Variants in MAD1L1 observed in about 807,000 individuals in gnomAD.
MAD1L1 encodes mitotic arrest deficient 1 like 1.
A neutral mutation model predicts 96.9 loss-of-function variants in MAD1L1; 95 were observed. The ratio of observed to expected loss-of-function variants is 0.98; its 90% confidence interval spans 0.83 to 1.16. MAD1L1 has a LOEUF of 1.16. MAD1L1 is among the 50% of genes most tolerant of loss of function. The pLI, the probability that MAD1L1 is intolerant of heterozygous loss-of-function variation, is 0.00. For synonymous variants in MAD1L1, 473 were observed against 396.6 expected (o/e 1.19, Z -2.29); for missense variants, 1,007 against 954.4 (o/e 1.06, Z -0.73).
At chr7:1,888,304 G>A (rs1786280093) in intron 18 of MAD1L1, among the ~76,000 whole-genome samples, 1 of 138,940 alleles carries the variant, frequency 7.2e-6, no homozygotes, top group Non-Finnish European at 1.6e-5. Context: ...ATGCGTCTAT[G>A]TGACTGCCTA....
intron 6 of MAD1L1, 146 bp from the exon 7 acceptor site, chr7:2,218,189 G>A (rs575064110): frequency 7.9e-5 from 50 of 633,048 alleles, no homozygotes; most frequent in African/African-American, 1.1e-4. Context: ...CAGACCCCCC[G>A]CCCCCCGCCA....
chr7:1,887,525 GTGTC>G (rs1431998888), intron 18 of MAD1L1, among the ~76,000 whole-genome samples: 2 of 151,570 alleles, frequency 1.3e-5, no homozygotes, highest in Admixed American at 6.6e-5. Context: ...CTGTGCGTGT[GTGTC>G]TGCATGTGGC....
At chr7:2,058,707 GGGAGA>G (rs1584216547) in intron 12 of MAD1L1, among the ~76,000 whole-genome samples, 14 of 103,000 alleles carry the variant, frequency 1.4e-4, no homozygotes, top group East Asian at 6.8e-4. Flanking sequence ...GTGTGGCCAG[GGGAGA>G]GGAGAGGCGC....
intron 15 of MAD1L1, among the ~76,000 whole-genome samples, chr7:1,974,709 G>A (rs1286247738): frequency 2.0e-5 from 3 of 152,256 alleles, no homozygotes; most frequent in African/African-American, 7.2e-5. Context: ...AGAAAACAGA[G>A]GAGAGGAAAT....
At chr7:1,949,909 G>A (rs758172442) in intron 16 of MAD1L1, among the ~76,000 whole-genome samples, 1 of 152,216 alleles carries the variant, frequency 6.6e-6, no homozygotes, top group African/African-American at 2.4e-5. Flanking sequence ...TATCAGCTTT[G>A]AGGAGCCCGG....
chr7:2,169,520 T>G (rs914619555), intron 10 of MAD1L1, among the ~76,000 whole-genome samples: 1 of 152,262 alleles, frequency 6.6e-6, no homozygotes, highest in Non-Finnish European at 1.5e-5. Flanking sequence ...CATAAAGAGC[T>G]GTGCACATTA....
intron 5 of MAD1L1, 39 bp downstream of exon 5, chr7:2,222,536 C>T (rs768822084): frequency 2.3e-5 from 35 of 1,507,670 alleles, no homozygotes; most frequent in East Asian, 4.8e-5. Context: ...TCCCTCTCCT[C>T]GGGAAAACAG....
intron 18 of MAD1L1, among the ~76,000 whole-genome samples, chr7:1,891,143 A>G (rs1786513247): frequency 6.6e-6 from 1 of 152,166 alleles, no homozygotes; most frequent in Non-Finnish European, 1.5e-5. Flanking sequence ...GTGCGGGGCT[A>G]TTTCTTCTTC....
At chr7:1,958,044 G>A (rs1252369182) in intron 15 of MAD1L1, among the ~76,000 whole-genome samples, 1 of 152,180 alleles carries the variant, frequency 6.6e-6, no homozygotes, top group Non-Finnish European at 1.5e-5. Flanking sequence ...GTGTGTCCGT[G>A]TCCGTCAGCC....
rs545040424 is a variant in MAD1L1, at chr7:2,064,422, G to A, written c.1218+4772C>T. Reference sequence around the variant, plus strand: ...TCCCTCGGGAAGGCACCATAGCATGGAGAGGAGGCCTCAGGAAGCGGCTCT... The same window carrying A: ...TCCCTCGGGAAGGCACCATAGCATGAAGAGGAGGCCTCAGGAAGCGGCTCT... On this transcript the variant is annotated intron_variant, in intron 12 of 18. Transcript: ENST00000265854. 4.0e-3 allele frequency among the ~76,000 whole-genome samples: 605 copies of A among 152,318 alleles called. 6 individuals carry two copies. Among genetic ancestry groups the A allele is most frequent in the African/African-American group, 0.014 (573 of 41,568 alleles).
chr7:2,118,960 G>A (rs139664422), intron 11 of MAD1L1, among the ~76,000 whole-genome samples: 1,583 of 152,206 alleles, frequency 0.01, 22 homozygotes, highest in African/African-American at 0.036. Flanking sequence ...GAGCTGAGAC[G>A]TCCTCCATCA....
intron 17 of MAD1L1, 58 bp downstream of exon 17, chr7:1,936,629 G>A: frequency 6.7e-7 from 1 of 1,503,624 alleles, no homozygotes; most frequent in Admixed American, 2.0e-5. Flanking sequence ...AAGGCGCACG[G>A]ATGGACCTAC....
intron 7 of MAD1L1, among the ~76,000 whole-genome samples, chr7:2,217,304 G>A (rs1191447189): frequency 1.3e-5 from 2 of 152,202 alleles, no homozygotes; most frequent in Non-Finnish European, 2.9e-5. Flanking sequence ...AACACTAACA[G>A]AGTCCATCGC....
chr7:1,848,364 A>C (rs1378342153), intron 18 of MAD1L1: 1 of 154,384 alleles, frequency 6.5e-6, no homozygotes, highest in Non-Finnish European at 1.4e-5. Flanking sequence ...CCGGGGTCTC[A>C]GGCCAATGGA....
chr7:2,055,828 A>T (rs1784367912), intron 12 of MAD1L1, among the ~76,000 whole-genome samples: 1 of 149,482 alleles, frequency 6.7e-6, no homozygotes, highest in East Asian at 2.0e-4. Flanking sequence ...CAAATACATA[A>T]ATTAGCTGGA....
chr7:1,835,032 A>G (rs1184123754), intron 18 of MAD1L1, among the ~76,000 whole-genome samples: 11 of 152,192 alleles, frequency 7.2e-5, no homozygotes, highest in Admixed American at 6.5e-4. Context: ...GTAATTCCAC[A>G]TATTAACAAA....
chr7:1,927,153 A>G (rs1169633820), intron 17 of MAD1L1, among the ~76,000 whole-genome samples: 3 of 151,992 alleles, frequency 2.0e-5, no homozygotes, highest in Non-Finnish European at 4.4e-5. Flanking sequence ...AATAAAACCA[A>G]CAAAACCATG....
chr7:2,065,177 C>T (rs1784827022), intron 12 of MAD1L1, among the ~76,000 whole-genome samples: 1 of 152,240 alleles, frequency 6.6e-6, no homozygotes. Context: ...ATTCTGCCCC[C>T]TATTTAACTG....
intron 16 of MAD1L1, among the ~76,000 whole-genome samples, chr7:1,942,522 G>C (rs1779049080): frequency 6.6e-6 from 1 of 152,212 alleles, no homozygotes; most frequent in South Asian, 2.1e-4. Context: ...GGGCAGCCGA[G>C]TGTCGGGATG....
Sources: gnomAD v4.1 joint callset for allele counts (sites outside exome capture counted in the v4.1 genomes callset) on GRCh38, gnomAD v4.1.1 for gene constraint, MANE v1.5 for transcripts, NCBI Gene and HGNC (gene_info 2026-07-23, HGNC 2026-07-21) for gene names.